ATP13A5: variants seen among roughly 807,000 people sequenced by gnomAD.
The protein encoded by ATP13A5 is probable cation-transporting ATPase 13A5.
ATP13A5 carries 149 observed loss-of-function variants against 150.2 expected under a neutral mutation model. The ratio of observed to expected loss-of-function variants is 0.99; its 90% CI spans 0.87 to 1.14. The LOEUF (loss-of-function observed/expected upper bound fraction) is 1.14. ATP13A5 is among the 50% of genes most tolerant of loss of function. The pLI is 0.00. For missense variants in ATP13A5, 1,383 were observed against 1,449.3 expected (o/e 0.95, Z 0.74); for synonymous variants, 497 against 522.2 (o/e 0.95, Z 0.66).
In ATP13A5 at chr3:193,296,277, T is replaced by C. The variant is rs547575518; in HGVS notation, c.2848+2854A>G. Among the ~76,000 whole-genome samples the C allele has an allele frequency of 2.6e-5, 4 of 152,190 alleles. No individual in the cohort carries two copies. In the East Asian group the frequency reaches 7.7e-4, roughly 29 times the overall value. ...TCCATACCTATCCACAGGGAAGCTC[T>C]GATGAATTCACCAATGAACCCCGTG... On this transcript the variant is annotated intron_variant, in intron 25 of 29. Coordinates refer to ENST00000342358, the MANE Select transcript of ATP13A5 (RefSeq NM_198505.4).
chr3:193,335,306 A>G (rs933105221), intron 9 of ATP13A5, among the ~76,000 whole-genome samples: 1 of 152,184 alleles, frequency 6.6e-6, no homozygotes, highest in Non-Finnish European at 1.5e-5. Context: ...AGATCTGCCT[A>G]TCTATCCTAT....
chr3:193,328,415 C>T (rs4686630), intron 12 of ATP13A5, among the ~76,000 whole-genome samples: 78,197 of 152,062 alleles, frequency 0.51, 22,452 homozygotes, highest in Non-Finnish European at 0.65. Context: ...CCACCATGTT[C>T]GGTTTCCAAA....
intron 25 of ATP13A5, 94 bp from the exon 26 acceptor site, chr3:193,290,153 G>A (rs954238681): frequency 1.4e-5 from 17 of 1,254,178 alleles, no homozygotes; most frequent in African/African-American, 3.1e-5. Flanking sequence ...TCTGGCATTG[G>A]GATTCAGACT....
At chr3:193,348,291 T>C (rs1712428565) in intron 7 of ATP13A5, among the ~76,000 whole-genome samples, 1 of 152,208 alleles carries the variant, frequency 6.6e-6, no homozygotes, top group South Asian at 2.1e-4. Flanking sequence ...ATCGTTATTA[T>C]TCAGCATCTG....
At chr3:193,322,306 C>A (rs555467021) in intron 15 of ATP13A5, among the ~76,000 whole-genome samples, 185 bp downstream of exon 15, 1 of 152,116 alleles carries the variant, frequency 6.6e-6, no homozygotes, top group Admixed American at 6.5e-5. Context: ...AATGCCCTAG[C>A]GTACACAGGT....
intron 24 of ATP13A5, among the ~76,000 whole-genome samples, chr3:193,300,604 T>G (rs1718360891): frequency 6.6e-6 from 1 of 152,316 alleles, no homozygotes; most frequent in African/African-American, 2.4e-5. Context: ...AAGCTATGGT[T>G]GGACTAATGA....
At chr3:193,370,870 ATCAT>A (rs1240444147) in intron 1 of ATP13A5, among the ~76,000 whole-genome samples, 1 of 152,240 alleles carries the variant, frequency 6.6e-6, no homozygotes, top group African/African-American at 2.4e-5. Flanking sequence ...TAAATACTAA[ATCAT>A]TCAGTCTGGA....
intron 16 of ATP13A5, among the ~76,000 whole-genome samples, chr3:193,320,566 A>G (rs895185362): frequency 6.6e-6 from 1 of 152,226 alleles, no homozygotes; most frequent in African/African-American, 2.4e-5. Context: ...CAAACACAGT[A>G]TATGTTGTAA....
intron 25 of ATP13A5, among the ~76,000 whole-genome samples, chr3:193,293,396 G>C (rs1026532925): frequency 1.3e-5 from 2 of 152,070 alleles, no homozygotes; most frequent in Non-Finnish European, 2.9e-5. Context: ...TCCCTTCTGA[G>C]TTCCCACAAC....
chr3:193,348,968 C>G (rs1390088016), intron 7 of ATP13A5, among the ~76,000 whole-genome samples: 2 of 150,610 alleles, frequency 1.3e-5, no homozygotes, highest in African/African-American at 2.5e-5. Flanking sequence ...TTGCCCCTGT[C>G]CCTCCCTCTC....
At chr3:193,370,270 G>A (rs1560154176) in intron 1 of ATP13A5, among the ~76,000 whole-genome samples, 1 of 152,118 alleles carries the variant, frequency 6.6e-6, no homozygotes, top group Admixed American at 6.6e-5. Flanking sequence ...GCCATAAATC[G>A]CAACTTAGAG....
intron 26 of ATP13A5, among the ~76,000 whole-genome samples, chr3:193,288,490 C>T (rs553957101): frequency 6.6e-6 from 1 of 152,194 alleles, no homozygotes; most frequent in Admixed American, 6.6e-5. Context: ...TTGCTGAAGG[C>T]TCAGATGATC....
At chr3:193,307,672 A>C (rs557795744) in intron 21 of ATP13A5, among the ~76,000 whole-genome samples, 1 of 152,380 alleles carries the variant, frequency 6.6e-6, no homozygotes, top group South Asian at 2.1e-4. Context: ...ACCAAGGCCA[A>C]GCTTAAGAGT....
chr3:193,339,720 A>G (rs1712041444), intron 9 of ATP13A5, among the ~76,000 whole-genome samples: 1 of 152,174 alleles, frequency 6.6e-6, no homozygotes, highest in Non-Finnish European at 1.5e-5. Flanking sequence ...GTTTTGACAA[A>G]TCTCCAAATT....
intron 27 of ATP13A5, among the ~76,000 whole-genome samples, chr3:193,284,202 T>G (rs1367452374): frequency 6.6e-6 from 1 of 151,570 alleles, no homozygotes; most frequent in Admixed American, 6.6e-5. Flanking sequence ...GTAAAAGTGT[T>G]TTTTTAGAGA....
At position 193,362,073 on chromosome 3, in the gene ATP13A5, A is replaced by G. The variant is rs779459617; in HGVS notation, c.536+308T>C. On this transcript the variant is annotated intron_variant, in intron 5 of 29. Transcript: ENST00000342358. ...TCTCCCAGGATTTGGAAGATTACTA[A>G]GCTGACATTTAGGGAATGACTCAAG... Among the ~76,000 whole-genome samples the G allele has an allele frequency of 3.5e-4, 53 of 152,218 alleles. 1 individual carries two copies. The highest frequency in any genetic ancestry group is 2.4e-4 in the Non-Finnish European group (16 of 68,038).
chr3:193,343,968 A>C lies in ATP13A5; in HGVS notation c.902T>G (p.Leu301Trp). The change falls in exon 9 of 30, where the codon TTG becomes TGG. Residue 301 changes from leucine to tryptophan, a missense_variant. By Grantham distance (61) the Leu-to-Trp change is moderately conservative. Transcript: ENST00000342358. ...ATTCACCACGCAGCTTCCATCAATCAAAACAGCATCACATGGCAATGAAAA... is the reference window on the plus strand; with the variant it reads ...ATTCACCACGCAGCTTCCATCAATCCAAACAGCATCACATGGCAATGAAAA... Reference protein sequence around the residue: ...GKFSLPCDAVLIDGSCVVNEG... With the variant: ...GKFSLPCDAVWIDGSCVVNEG... 6.2e-7 allele frequency: 1 copy of C among 1,613,504 alleles called. No homozygotes were observed. Among genetic ancestry groups the C allele is most frequent in the Non-Finnish European group, 8.5e-7 (1 of 1,179,600 alleles).
intron 6 of ATP13A5, among the ~76,000 whole-genome samples, chr3:193,352,954 C>T (rs534355567): frequency 5.3e-5 from 8 of 151,830 alleles, no homozygotes; most frequent in South Asian, 2.1e-4. Context: ...GCCCCTTTCT[C>T]GGAGGAATAG....
chr3:193,298,789 G>A (rs140688655), intron 25 of ATP13A5, among the ~76,000 whole-genome samples: 138 of 152,284 alleles, frequency 9.1e-4, no homozygotes, highest in Middle Eastern at 6.8e-3. Flanking sequence ...TCACGTCAAT[G>A]TGAAGCATAG....
Sources: allele counts gnomAD v4.1 joint callset (sites outside exome capture counted in the v4.1 genomes callset), GRCh38; gene constraint gnomAD v4.1.1; transcripts MANE v1.5; gene names NCBI Gene and HGNC (gene_info 2026-07-23, HGNC 2026-07-21).